The following MON2 variants were observed in gnomAD, a reference collection of about 807,000 sequenced individuals.
MON2 encodes the protein protein MON2 homolog.
Under a neutral mutation model 208.6 loss-of-function variants are expected in MON2, and 84 were observed. That is an observed-to-expected ratio of 0.40 (90% CI 0.34 to 0.48). The LOEUF (loss-of-function observed/expected upper bound fraction) is 0.48, where lower values mean the gene tolerates loss of function less well. MON2 is among the 20% of genes least tolerant of loss of function. MON2 has a pLI of 0.59. For missense variants in MON2, 1,611 were observed against 2,015.4 expected (o/e 0.80, Z 3.84); for synonymous variants, 660 against 694.0 (o/e 0.95, Z 0.77).
chr12:62,508,790 A>G (rs1167805930), intron 8 of MON2: 2 of 254,820 alleles, frequency 7.8e-6, no homozygotes, highest in East Asian at 1.6e-4. Flanking sequence ...TATTAAAATT[A>G]TAGTCTCTTC....
At position 62,571,522 on chromosome 12, in the gene MON2, A is replaced by T. The variant is rs1049043454; in HGVS notation, c.4454A>T (p.Lys1485Ile). ...GCCCGGCAGCATGCTTCTTCTGGAA[A>T]ATTTGACAGTATGTGGCCAGAACTA... ...PVARQHASSG[K>I]FDSMWPELAN... is the part of the protein sequence containing the mutation. The change falls in exon 30 of 35, where the codon AAA becomes ATA. Residue 1485 changes from lysine (K) to isoleucine (I), a missense_variant. By Grantham distance (102) the Lys-to-Ile change is moderately radical. Transcript: ENST00000393630. 1.9e-6 allele frequency: 3 copies of T among 1,613,884 alleles called. No homozygotes were observed. The highest frequency in any genetic ancestry group is 2.5e-6 in the Non-Finnish European group (3 of 1,179,980).
At chr12:62,571,021 C>A (rs993354553) in intron 29 of MON2, among the ~76,000 whole-genome samples, 1 of 152,036 alleles carries the variant, frequency 6.6e-6, no homozygotes, top group Non-Finnish European at 1.5e-5. Context: ...TGAGCCACCA[C>A]GCTTGGCCAG....
chr12:62,508,391 C>G lies in MON2; in HGVS notation c.895C>G (p.Pro299Ala), dbSNP rs1318193494. Residue 299 changes from proline (P) to alanine (A), a missense_variant, in exon 8 of 35, where the codon CCA becomes GCA. By Grantham distance (27) the Pro-to-Ala change is conservative (BLOSUM62 -1). Coordinates refer to ENST00000393630, the MANE Select transcript of MON2 (RefSeq NM_015026.3). Reference sequence around the variant, plus strand: ...ACAAGGTTCCAGCACCTCATCTTCTCCAGCACCAGTTGAAAAACCATATTT... The same window carrying G: ...ACAAGGTTCCAGCACCTCATCTTCTGCAGCACCAGTTGAAAAACCATATTT... The part of the protein sequence containing the change: ...FRQGSSTSSS[P>A]APVEKPYFPI... The G allele has an allele frequency of 6.2e-7, 1 of 1,614,038 alleles. No individual in the cohort carries two copies. The highest frequency in any genetic ancestry group is 8.5e-7 in the Non-Finnish European group (1 of 1,179,934).
chr12:62,545,661 G>A (rs1234295988), intron 21 of MON2: 1 of 151,766 alleles, frequency 6.6e-6, no homozygotes, highest in Admixed American at 6.6e-5. Context: ...TTCATTATAT[G>A]TGCTACTGAA....
At position 62,596,039 on chromosome 12, in the gene MON2, T is replaced by TGAG. The variant is rs1045199848; in HGVS notation, c.*3290_*3291insGAG. The TGAG allele has an allele frequency of 3.3e-5, 5 of 152,210 alleles. No homozygotes were observed. The highest frequency in any genetic ancestry group is 1.2e-4 in the African/African-American group (5 of 41,456). 9.4% of individuals were successfully genotyped at this position (152,210 alleles called of 1,614,324 possible). A position where few individuals can be genotyped will look rare whatever the true frequency, so the allele number is the denominator to read the frequency against. On this transcript the variant is annotated 3_prime_UTR_variant, in exon 35 of 35. Coordinates refer to ENST00000393630, the MANE Select transcript of MON2 (RefSeq NM_015026.3). ...CAGTAACAACTAGATTATTTGTCCT[T>TGAG]TCTCAGTATAATTTTAAAGAGCATT...
Position 62,526,036 on chromosome 12 carries a change from T to C in MON2, c.1334T>C (p.Phe445Ser). The C allele has an allele frequency of 6.2e-7, 1 of 1,613,950 alleles. No homozygotes were observed. Among genetic ancestry groups the C allele is most frequent in the Non-Finnish European group, 8.5e-7 (1 of 1,179,886 alleles). ...GGAGGTGTTACTTTGCTACCAGCATTTGAATATAGGGGAACCTGGATACCT... is the reference window on the plus strand; with the variant it reads ...GGAGGTGTTACTTTGCTACCAGCATCTGAATATAGGGGAACCTGGATACCT... ...IGGGVTLLPAFEYRGTWIPIL... is the reference protein window; with the variant it reads ...IGGGVTLLPASEYRGTWIPIL... Residue 445 changes from phenylalanine to serine, a missense_variant, in exon 11 of 35, where the codon TTT becomes TCT. Physicochemically the swap from Phe to Ser is radical, Grantham distance 155 (BLOSUM62 -2). Transcript: ENST00000393630.
intron 25 of MON2, 103 bp from the exon 26 acceptor site, chr12:62,560,388 T>C: frequency 1.7e-6 from 2 of 1,188,352 alleles, no homozygotes; most frequent in Non-Finnish European, 2.3e-6. Flanking sequence ...TTCTGTAGGA[T>C]TTTAAGCAGA....
In MON2 at chr12:62,597,561, A is replaced by C. The variant is rs1157881319; in HGVS notation, c.*4812A>C. On this transcript the variant is annotated 3_prime_UTR_variant, in exon 35 of 35. Transcript: ENST00000393630. ...AAACTGGAAGTGCCATAAAAAACTAAAAATAAAAAAAAATTGTGACTATAA... is the reference window on the plus strand; with the variant it reads ...AAACTGGAAGTGCCATAAAAAACTACAAATAAAAAAAAATTGTGACTATAA... 1 of 152,164 alleles carries C rather than the reference A, an allele frequency of 6.6e-6. No individual in the cohort carries two copies. Among genetic ancestry groups the C allele is most frequent in the Non-Finnish European group, 1.5e-5 (1 of 68,028 alleles). 9.4% of individuals were successfully genotyped at this position (152,164 alleles called of 1,614,324 possible).
At chr12:62,588,438 T>A (rs544136729) in intron 34 of MON2, among the ~76,000 whole-genome samples, 7 of 152,310 alleles carry the variant, frequency 4.6e-5, no homozygotes, top group African/African-American at 1.7e-4. Flanking sequence ...TTTCATATAT[T>A]TTTAATGTAG....
At chr12:62,587,897 A>T (rs1252978494) in intron 33 of MON2, 177 bp from the exon 34 acceptor site, 2 of 497,658 alleles carry the variant, frequency 4.0e-6, no homozygotes, top group Non-Finnish European at 7.1e-6. Context: ...ACACTGAAGT[A>T]CATATAAATA....
At chr12:62,489,079 T>C (rs2069962095) in intron 2 of MON2, among the ~76,000 whole-genome samples, 1 of 152,172 alleles carries the variant, frequency 6.6e-6, no homozygotes, top group African/African-American at 2.4e-5. Flanking sequence ...ACAATTTCCT[T>C]ATGTTAGGCA....
intron 24 of MON2, among the ~76,000 whole-genome samples, chr12:62,554,748 T>C (rs1355329920): frequency 6.6e-6 from 1 of 152,100 alleles, no homozygotes; most frequent in Non-Finnish European, 1.5e-5. Flanking sequence ...ATCCCCACTT[T>C]ATGGCCTTCC....
At chr12:62,524,809 C>T (rs1301581380) in intron 9 of MON2, among the ~76,000 whole-genome samples, 170 bp downstream of exon 9, 2 of 151,974 alleles carry the variant, frequency 1.3e-5, no homozygotes, top group Admixed American at 6.6e-5. Flanking sequence ...ACGGGTAGGG[C>T]GTGTAGATGT....
At position 62,576,425 on chromosome 12, in the gene MON2, G is replaced by A. The variant is rs1419612037; in HGVS notation, c.4515-2020G>A. 2.0e-5 allele frequency among the ~76,000 whole-genome samples: 3 copies of A among 151,676 alleles called. No homozygotes were observed. In the East Asian group the frequency reaches 5.8e-4, roughly 29 times the overall value. On this transcript the variant is annotated intron_variant, in intron 30 of 34. Transcript: ENST00000393630. Reference sequence around the variant, plus strand: ...TTGTACAACTTTATGAATATACTAAGGAACACTAAATTGTATATTTTAAAA... The same window carrying A: ...TTGTACAACTTTATGAATATACTAAAGAACACTAAATTGTATATTTTAAAA...
chr12:62,584,920 A>T lies in MON2; in HGVS notation c.4700-374A>T, dbSNP rs1692030. ...AGAAAAAGAGAATACTGCAAGTTTG[A>T]CCACATGAAAAACTATTGTGAAGTA... On this transcript the variant is annotated intron_variant, in intron 32 of 34. Coordinates refer to ENST00000393630, the MANE Select transcript of MON2 (RefSeq NM_015026.3). Among the ~76,000 whole-genome samples, 4 of 151,998 alleles carry T rather than the reference A, an allele frequency of 2.6e-5. No individual in the cohort carries two copies. In the East Asian group the frequency reaches 5.8e-4, roughly 22 times the overall value.
Position 62,493,966 on chromosome 12 carries a change from G to T in MON2, c.227G>T (p.Gly76Val), listed in dbSNP as rs755501123. 6 of 1,612,660 alleles carry T rather than the reference G, an allele frequency of 3.7e-6. No individual in the cohort carries two copies. Among genetic ancestry groups the T allele is most frequent in the Non-Finnish European group, 5.1e-6 (6 of 1,179,034 alleles). ...EVVQPFLMGC[G>V]TKEPKITQLC... The stretch of plus-strand genomic sequence containing the variant: ...GTACAGCCTTTTTTAATGGGTTGTG[G>T]AACCAAGGAACCGAAGATCACTCAG... Residue 76 changes from glycine (G) to valine (V), a missense_variant, in exon 3 of 35, where the codon GGA (glycine) becomes GTA (valine). Physicochemically the swap from Gly to Val is moderately radical, Grantham distance 109. Transcript: ENST00000393630.
chr12:62,519,774 T>G (rs920935793), intron 8 of MON2, among the ~76,000 whole-genome samples: 5 of 152,162 alleles, frequency 3.3e-5, no homozygotes, highest in African/African-American at 1.2e-4. Context: ...ATAATAATGG[T>G]GGATATTCTT....
In MON2 at chr12:62,596,811, A is replaced by G. The variant is rs1197968746; in HGVS notation, c.*4062A>G. 6.6e-6 allele frequency: 1 copy of G among 152,226 alleles called. No individual in the cohort carries two copies. 9.4% of individuals were successfully genotyped at this position (152,226 alleles called of 1,614,324 possible). On this transcript the variant is annotated 3_prime_UTR_variant, in exon 35 of 35. Transcript: ENST00000393630. ...GTTTATAGATTCAGAAAGAGAGATG[A>G]TATCTTTGTATCTTGATTTATATAC...
Position 62,556,052 on chromosome 12 carries a change from A to C in MON2, c.3269A>C (p.Lys1090Thr), listed in dbSNP as rs2073955214. Residue 1090 changes from lysine to threonine, a missense_variant, in exon 25 of 35, where the codon AAG becomes ACG. Lys to Thr is a moderately conservative substitution (Grantham distance 78). Transcript: ENST00000393630. ...TCCTCTACCACTGCAGACAAAGAAA[A>C]GATTGAGTCTGGAGGTGGCAATATT... ...RESSTTADKE[K>T]IESGGGNILI... The C allele has an allele frequency of 3.1e-6, 5 of 1,613,938 alleles. No individual in the cohort carries two copies. The highest frequency in any genetic ancestry group is 4.2e-6 in the Non-Finnish European group (5 of 1,179,932).
Sources: allele counts gnomAD v4.1 joint callset (sites outside exome capture counted in the v4.1 genomes callset), GRCh38; gene constraint gnomAD v4.1.1; transcripts MANE v1.5; gene names NCBI Gene and HGNC (gene_info 2026-07-23, HGNC 2026-07-21).